The following PCDHA3 variants were observed in gnomAD, a reference collection of about 807,000 sequenced individuals.
PCDHA3 encodes the protein protocadherin alpha-3.
PCDHA3 carries 41 observed loss-of-function variants against 62.2 expected under a neutral mutation model. The ratio of observed to expected loss-of-function variants is 0.66; its 90% CI spans 0.51 to 0.86. PCDHA3 has a LOEUF of 0.86. Among genes scored for constraint, PCDHA3 ranks in the 40% least tolerant of loss-of-function variants. The probability of loss-of-function intolerance (pLI) is 0.00; values close to 1 mark genes in which losing one functional copy is unlikely to be tolerated. For synonymous variants in PCDHA3, 640 were observed against 555.4 expected (o/e 1.15, Z -2.14); for missense variants, 1,304 against 1,241.2 (o/e 1.05, Z -0.76).
chr5:140,819,020 T>A (rs1766474811), intron 1 of PCDHA3, among the ~76,000 whole-genome samples: 1 of 152,246 alleles, frequency 6.6e-6, no homozygotes, highest in Non-Finnish European at 1.5e-5. Context: ...AATATGGATA[T>A]TTTAGCACAT....
intron 1 of PCDHA3, among the ~76,000 whole-genome samples, chr5:140,874,280 C>CA (rs1218640311): frequency 6.6e-6 from 1 of 152,146 alleles, no homozygotes; most frequent in Non-Finnish European, 1.5e-5. Context: ...AATAGACTTA[C>CA]AAAATCTATG....
rs116648173 is a variant in PCDHA3, at chr5:140,807,153, G to A, written c.2394+3562G>A. The A allele has an allele frequency of 3.1e-4, 495 of 1,581,412 alleles. 3 individuals are homozygous for A. The African/African-American group carries it at 6.0e-3, about 19-fold the overall frequency. The stretch of plus-strand genomic sequence containing the variant: ...AAGATTTCCCTTGACTTTGAGAAAC[G>A]ATATTTAATCAGAACAAAATACTGT... On this transcript the variant is annotated intron_variant, in intron 1 of 3. Transcript: ENST00000522353.
chr5:140,924,945 A>T (rs200246310), intron 1 of PCDHA3, among the ~76,000 whole-genome samples: 4 of 64,382 alleles, frequency 6.2e-5, no homozygotes, highest in African/African-American at 1.9e-4. Context: ...ATAAAAAGTT[A>T]AAAAAAAAAT....
At chr5:140,989,601 A>C (rs553140269) in intron 3 of PCDHA3, among the ~76,000 whole-genome samples, 14 of 152,318 alleles carry the variant, frequency 9.2e-5, no homozygotes, top group African/African-American at 3.4e-4. Flanking sequence ...ACACAAGTAA[A>C]CTAAAAATGA....
intron 1 of PCDHA3, chr5:140,842,708 T>C (rs2150342617): frequency 6.3e-7 from 1 of 1,595,018 alleles, no homozygotes; most frequent in African/African-American, 1.3e-5. Context: ...GTACACGGTG[T>C]TCGTGAAGGA....
intron 1 of PCDHA3, chr5:140,821,532 CACTT>C (rs1766992060): frequency 2.2e-6 from 1 of 453,922 alleles, no homozygotes; most frequent in Admixed American, 3.9e-5. Flanking sequence ...CAAAATAAAA[CACTT>C]ACCCTTTCAT....
At chr5:140,837,616 C>T (rs2150277416) in intron 1 of PCDHA3, among the ~76,000 whole-genome samples, 6 of 143,768 alleles carry the variant, frequency 4.2e-5, no homozygotes, top group African/African-American at 1.6e-4. Flanking sequence ...ATAATTTGCC[C>T]CTTCCTTCCT....
At chr5:141,009,001 A>G (rs1373262105) in intron 3 of PCDHA3, among the ~76,000 whole-genome samples, 1 of 152,246 alleles carries the variant, frequency 6.6e-6, no homozygotes, top group East Asian at 1.9e-4. Flanking sequence ...TAAAAGGAGC[A>G]TATTTTGCCT....
At position 140,841,596 on chromosome 5, in the gene PCDHA3, G is replaced by T. The variant is rs2150318846; in HGVS notation, c.2394+38005G>T. 3.3e-5 allele frequency: 54 copies of T among 1,613,976 alleles called. No homozygotes were observed. Among genetic ancestry groups the T allele is most frequent in the South Asian group, 5.5e-5 (5 of 91,084 alleles). ...TTGTTTGTGAATTCTCGGATCGACC[G>T]CGAGGAGCTGTGCGGGCGGAGCGCG... On this transcript the variant is annotated intron_variant, in intron 1 of 3. Transcript: ENST00000522353.
chr5:140,895,820 T>A (rs1409721318), intron 1 of PCDHA3, among the ~76,000 whole-genome samples: 2 of 152,156 alleles, frequency 1.3e-5, no homozygotes, highest in Non-Finnish European at 2.9e-5. Context: ...TATTGTATTG[T>A]ATTTTTTTCA....
chr5:140,980,275 C>G (rs1288435032), intron 2 of PCDHA3, among the ~76,000 whole-genome samples: 1 of 152,196 alleles, frequency 6.6e-6, no homozygotes. Flanking sequence ...AGTACCAACT[C>G]TTGAAAAGTA....
intron 3 of PCDHA3, among the ~76,000 whole-genome samples, chr5:140,991,573 G>C (rs1406319253): frequency 2.0e-5 from 3 of 152,036 alleles, no homozygotes; most frequent in Non-Finnish European, 4.4e-5. Context: ...CCAATAACAG[G>C]CTCCTTATTT....
intron 1 of PCDHA3, chr5:140,834,417 C>G (rs1772976539): frequency 6.2e-7 from 1 of 1,611,544 alleles, no homozygotes; most frequent in Non-Finnish European, 8.5e-7. Context: ...CCCAGGGGGC[C>G]GACATCTACT....
rs782495760 is a variant in PCDHA3 at position 141,010,201 on chromosome 5, C to T, written c.*264C>T. Reference sequence around the variant, plus strand: ...GCAGACCCAAGTTTCCTTTCTCCTCCGCCGCAAAGGAGAGGCTTCCCAGCC... The same window carrying T: ...GCAGACCCAAGTTTCCTTTCTCCTCTGCCGCAAAGGAGAGGCTTCCCAGCC... On this transcript the variant is annotated 3_prime_UTR_variant, in exon 4 of 4. Coordinates refer to ENST00000522353, the MANE Select transcript of PCDHA3 (RefSeq NM_018906.3). The T allele has an allele frequency of 1.3e-5, 20 of 1,552,034 alleles. No individual in the cohort carries two copies. The East Asian group carries it at 1.7e-4, about 13-fold the overall frequency.
intron 1 of PCDHA3, chr5:140,882,543 G>A: frequency 6.2e-7 from 1 of 1,614,236 alleles, no homozygotes; most frequent in Non-Finnish European, 8.5e-7. Context: ...CGGATCGACC[G>A]CGAGGAGCTG....
chr5:140,836,677 C>T, intron 1 of PCDHA3: 1 of 1,613,398 alleles, frequency 6.2e-7, no homozygotes, highest in East Asian at 2.2e-5. Context: ...GAGGGCCCAC[C>T]CAAGACAGAC....
chr5:140,870,147 A>G (rs1554163846), intron 1 of PCDHA3: 2 of 1,614,086 alleles, frequency 1.2e-6, no homozygotes, highest in Non-Finnish European at 1.7e-6. Flanking sequence ...ACTCTCCTGA[A>G]GTCGCCGTGA....
chr5:140,955,976 G>A (rs2095244273), intron 1 of PCDHA3, among the ~76,000 whole-genome samples: 1 of 152,180 alleles, frequency 6.6e-6, no homozygotes, highest in South Asian at 2.1e-4. Flanking sequence ...AGGAATGCTA[G>A]CAATTTTTGC....
intron 1 of PCDHA3, among the ~76,000 whole-genome samples, chr5:140,874,456 A>T (rs1554167207): frequency 6.6e-6 from 1 of 152,236 alleles, no homozygotes; most frequent in Non-Finnish European, 1.5e-5. Flanking sequence ...AATGACCTGT[A>T]GGGGAAGATT....
Sources: allele counts gnomAD v4.1 joint callset (sites outside exome capture counted in the v4.1 genomes callset), GRCh38; gene constraint gnomAD v4.1.1; transcripts MANE v1.5; gene names NCBI Gene and HGNC (gene_info 2026-07-23, HGNC 2026-07-21).